KIAA1217: variants seen among roughly 807,000 people sequenced by gnomAD.
KIAA1217 encodes sickle tail protein homolog.
A neutral mutation model predicts 163.9 loss-of-function variants in KIAA1217; 88 were observed. The observed-to-expected ratio is 0.54, with a 90% CI of 0.45 to 0.64. The LOEUF is 0.64. Ranked by LOEUF, KIAA1217 falls within the 30% of genes least tolerant of loss-of-function variation. KIAA1217 has a pLI of 0.00. For missense variants in KIAA1217, 2,372 were observed against 2,475.0 expected (o/e 0.96, Z 0.88); for synonymous variants, 903 against 923.1 (o/e 0.98, Z 0.39).
At chr10:23,969,336 G>A (rs1291517107) in intron 1 of KIAA1217, among the ~76,000 whole-genome samples, 3 of 152,116 alleles carry the variant, frequency 2.0e-5, no homozygotes, top group Non-Finnish European at 4.4e-5. Context: ...CGCCCAGTCC[G>A]AAACTCTATG....
chr10:24,042,852 A>T (rs747273527), intron 2 of KIAA1217, among the ~76,000 whole-genome samples: 1 of 152,228 alleles, frequency 6.6e-6, no homozygotes, highest in African/African-American at 2.4e-5. Flanking sequence ...AAACAAAAAA[A>T]AGAAGGAAAT....
At chr10:23,828,227 G>T (rs57738177) in intron 1 of KIAA1217, among the ~76,000 whole-genome samples, 42,143 of 151,960 alleles carry the variant, frequency 0.28, 6,909 homozygotes, top group African/African-American at 0.45. Flanking sequence ...GATTCCTGGT[G>T]TTATAAAACC....
intron 1 of KIAA1217, among the ~76,000 whole-genome samples, chr10:23,704,132 GTA>G (rs1205134550): frequency 5.5e-5 from 6 of 108,804 alleles, no homozygotes; most frequent in East Asian, 2.5e-4. Flanking sequence ...ATATATGCAT[GTA>G]TGTGTGTGTG....
chr10:24,441,656 C>A (rs2060505829), intron 5 of KIAA1217, among the ~76,000 whole-genome samples: 1 of 152,136 alleles, frequency 6.6e-6, no homozygotes, highest in African/African-American at 2.4e-5. Context: ...GCATACCTGG[C>A]TCCTGTTTCT....
intron 1 of KIAA1217, among the ~76,000 whole-genome samples, chr10:23,899,363 G>T (rs1049419851): frequency 3.9e-5 from 6 of 152,036 alleles, no homozygotes; most frequent in African/African-American, 1.2e-4. Context: ...CCAATCTGGT[G>T]GGTGTGAAAT....
At chr10:24,506,022 A>G (rs1018643673) in intron 9 of KIAA1217, among the ~76,000 whole-genome samples, 7 of 152,116 alleles carry the variant, frequency 4.6e-5, no homozygotes, top group African/African-American at 1.7e-4. Flanking sequence ...CAGAAATAAT[A>G]AACGGAACTA....
chr10:23,856,161 G>C (rs903377016), intron 1 of KIAA1217, among the ~76,000 whole-genome samples: 2 of 152,154 alleles, frequency 1.3e-5, no homozygotes, highest in African/African-American at 4.8e-5. Flanking sequence ...TTTGGTCTTT[G>C]ATGATGGTGA....
chr10:24,210,379 G>A (rs12767021), intron 1 of KIAA1217, among the ~76,000 whole-genome samples: 1 of 152,196 alleles, frequency 6.6e-6, no homozygotes, highest in Admixed American at 6.5e-5. Flanking sequence ...GTCTGCCTTC[G>A]TGCTGCCAAA....
At chr10:24,180,576 T>C (rs962471270) in intron 2 of KIAA1217, among the ~76,000 whole-genome samples, 2 of 152,172 alleles carry the variant, frequency 1.3e-5, no homozygotes, top group Non-Finnish European at 2.9e-5. Flanking sequence ...ACCATTTCCT[T>C]TCCTCTTCTC....
At chr10:23,731,883 T>G (rs1838498737) in intron 1 of KIAA1217, among the ~76,000 whole-genome samples, 1 of 152,160 alleles carries the variant, frequency 6.6e-6, no homozygotes, top group Non-Finnish European at 1.5e-5. Flanking sequence ...TTTTTTAGCT[T>G]ATTGATGTGA....
chr10:23,919,554 C>T (rs117641145), intron 1 of KIAA1217, among the ~76,000 whole-genome samples: 2,878 of 135,168 alleles, frequency 0.021, 58 homozygotes, highest in Admixed American at 0.078. Context: ...TGCAGTAGGT[C>T]GATATTGTGC....
chr10:23,832,145 A>G (rs1838234737), intron 1 of KIAA1217, among the ~76,000 whole-genome samples: 1 of 152,202 alleles, frequency 6.6e-6, no homozygotes, highest in Admixed American at 6.5e-5. Flanking sequence ...AATAGCAAAT[A>G]GCAGATTGTC....
rs548612024 is a variant in KIAA1217 at position 24,065,465 on chromosome 10, C to T, written c.-171+58091C>T. Among the ~76,000 whole-genome samples the T allele has an allele frequency of 1.5e-4, 23 of 152,306 alleles. No individual in the cohort carries two copies. In the East Asian group the frequency reaches 4.4e-3, roughly 29 times the overall value. On this transcript the variant is annotated intron_variant, in intron 2 of 18. Transcript: ENST00000376462. ...TAGTTGAGCGGTTTTGAGTGAGTTT[C>T]TTACTCCTGAGTTCTAGTTTGATTG...
chr10:24,002,400 C>A (rs892197582), intron 1 of KIAA1217, among the ~76,000 whole-genome samples: 1 of 152,116 alleles, frequency 6.6e-6, no homozygotes, highest in African/African-American at 2.4e-5. Context: ...CCACCTCTAA[C>A]CACGGAGGCA....
intron 2 of KIAA1217, among the ~76,000 whole-genome samples, chr10:24,346,820 C>T (rs2047847443): frequency 6.6e-6 from 1 of 152,052 alleles, no homozygotes; most frequent in Non-Finnish European, 1.5e-5. Context: ...ATCCTCCCAC[C>T]TTGGCCTCCC....
At chr10:24,275,620 A>T in intron 2 of KIAA1217, 1 of 467,142 alleles carries the variant, frequency 2.1e-6, no homozygotes, top group Non-Finnish European at 4.4e-6. Context: ...GACTGACTGT[A>T]TAATGCTTTA....
chr10:24,478,602 A>G (rs1486841859), intron 6 of KIAA1217, among the ~76,000 whole-genome samples: 1 of 152,162 alleles, frequency 6.6e-6, no homozygotes. Flanking sequence ...GTTTTATCCA[A>G]GTGACTTCCA....
At chr10:24,185,525 T>C (rs568116509) in intron 2 of KIAA1217, among the ~76,000 whole-genome samples, 5 of 152,328 alleles carry the variant, frequency 3.3e-5, no homozygotes, top group Admixed American at 3.3e-4. Context: ...CCAGGTATGG[T>C]GGCTCATGCC....
rs139176460 is a variant in KIAA1217, at chr10:23,728,127, T to G, written c.-321+32893T>G. Among the ~76,000 whole-genome samples the G allele has an allele frequency of 6.3e-3, 961 of 152,322 alleles. 13 individuals carry two copies. The highest frequency in any genetic ancestry group is 0.022 in the African/African-American group (929 of 41,570). ...AAACATACATGTGCGTGTATCTTTATAGTAGAATGTCTTTATAGAAGAATG... is the reference window on the plus strand; with the variant it reads ...AAACATACATGTGCGTGTATCTTTAGAGTAGAATGTCTTTATAGAAGAATG... On this transcript the variant is annotated intron_variant, in intron 1 of 18. Transcript: ENST00000376462.
Sources: gnomAD v4.1 joint callset for allele counts (sites outside exome capture counted in the v4.1 genomes callset) on GRCh38, gnomAD v4.1.1 for gene constraint, MANE v1.5 for transcripts, NCBI Gene and HGNC (gene_info 2026-07-23, HGNC 2026-07-21) for gene names.